Variants in RRBP1 observed in about 807,000 individuals in gnomAD.
The protein encoded by RRBP1 is ribosome-binding protein 1.
In RRBP1, 94 loss-of-function variants were observed where a neutral mutation model predicts 165.2. That is an observed-to-expected ratio of 0.57 (90% CI 0.48 to 0.68). The LOEUF is 0.68. Among genes scored for constraint, RRBP1 ranks in the 30% least tolerant of loss-of-function variants. RRBP1 has a pLI of 0.00. For missense variants in RRBP1, 1,676 were observed against 1,763.0 expected, an observed-to-expected ratio of 0.95 and a Z score of 0.88; for synonymous variants, 680 against 714.5, an observed-to-expected ratio of 0.95 and a Z score of 0.77.
intron 5 of RRBP1, 117 bp downstream of exon 5, chr20:17,641,680 C>T: frequency 1.6e-6 from 2 of 1,273,642 alleles, no homozygotes; most frequent in Non-Finnish European, 2.3e-6. Flanking sequence ...AGCCTGACAG[C>T]CAGCTACGTT....
chr20:17,631,138 A>G (rs2036143275), intron 8 of RRBP1, among the ~76,000 whole-genome samples: 1 of 152,232 alleles, frequency 6.6e-6, no homozygotes, highest in African/African-American at 2.4e-5. Context: ...GAAATGAAAG[A>G]AAGGAGTGAC....
intron 19 of RRBP1, chr20:17,618,888 T>C (rs1055739797): frequency 4.0e-5 from 23 of 570,362 alleles, no homozygotes; most frequent in South Asian, 2.5e-4. Context: ...TGGTGTTCAC[T>C]GCGTACCTCT....
chr20:17,634,173 G>C (rs1480148929), intron 7 of RRBP1, among the ~76,000 whole-genome samples: 1 of 152,256 alleles, frequency 6.6e-6, no homozygotes, highest in Non-Finnish European at 1.5e-5. Context: ...GGGGCAGCTG[G>C]AGGCCTGCCT....
intron 5 of RRBP1, among the ~76,000 whole-genome samples, chr20:17,640,479 T>G (rs2036332836): frequency 6.6e-6 from 1 of 152,116 alleles, no homozygotes; most frequent in Non-Finnish European, 1.5e-5. Flanking sequence ...GACTTAGGTC[T>G]GAAGATTAGG....
In RRBP1 at chr20:17,659,719, C is replaced by T. The variant is rs959174938; in HGVS notation, c.789G>A (p.Glu263=). 2 of 1,550,522 alleles carry T rather than the reference C, an allele frequency of 1.3e-6. No individual in the cohort carries two copies. The highest frequency in any genetic ancestry group is 3.9e-5 in the Admixed American group (2 of 50,990). Residue 263 remains glutamate, a synonymous_variant, in exon 3 of 25, where the codon GAG becomes GAA. Transcript: ENST00000377813. ...EGTPNQGKKA[E]GAQNQGKKVD... is the part of the protein sequence containing the mutation. ...CCTTTTTACCCTGGTTCTGGGCCCC[C>T]TCCGCCTTTTTGCCTTGGTTTGGGG...
intron 3 of RRBP1, among the ~76,000 whole-genome samples, chr20:17,655,377 G>A (rs1600765310): frequency 1.3e-5 from 2 of 152,232 alleles, no homozygotes; most frequent in East Asian, 3.8e-4. Context: ...GAAAGGAATT[G>A]TACTGTATTT....
In RRBP1 at chr20:17,618,436, G is replaced by A. The variant is rs528586913; in HGVS notation, c.3759+160C>T. Among the ~76,000 whole-genome samples the A allele has an allele frequency of 4.6e-5, 7 of 152,338 alleles. No individual in the cohort carries two copies. The South Asian group carries it at 8.3e-4, about 18-fold the overall frequency. On this transcript the variant is annotated intron_variant, in intron 20 of 24. Coordinates refer to ENST00000377813, the MANE Select transcript of RRBP1 (RefSeq NM_001365613.2). ...CTCAGAGTTCTGGGCAAATGTGCAG[G>A]AAGGCCCCCAGAAGCCGGCCCCATG...
chr20:17,675,673 C>T (rs1000268074), intron 2 of RRBP1, among the ~76,000 whole-genome samples: 9 of 152,302 alleles, frequency 5.9e-5, no homozygotes, highest in South Asian at 2.1e-4. Flanking sequence ...CCAAAGTAGA[C>T]GCAAAGGCCC....
At position 17,615,446 on chromosome 20, in the gene RRBP1, C is replaced by T; in HGVS notation, c.4035G>A (p.Glu1345=). 4 of 1,610,050 alleles carry T rather than the reference C, an allele frequency of 2.5e-6. No homozygotes were observed. The highest frequency in any genetic ancestry group is 3.4e-6 in the Non-Finnish European group (4 of 1,178,224). ...AGPLESSETE[E]ASQLKERLEK... is the part of the protein sequence containing the mutation. ...CCCTGCCTGCCTTCAGCTGTGAGGC[C>T]TCCTCTGTTTCTGAAGACTCTAGGG... Residue 1345 remains glutamate, a synonymous_variant, in exon 23 of 25, where the codon GAG becomes GAA. Transcript: ENST00000377813.
intron 6 of RRBP1, 81 bp from the exon 7 acceptor site, chr20:17,635,745 C>A: frequency 9.7e-7 from 1 of 1,031,590 alleles, no homozygotes; most frequent in Admixed American, 1.9e-5. Flanking sequence ...TTAGTGAAGA[C>A]ACAGCCCACA....
chr20:17,635,754 C>T lies in RRBP1; in HGVS notation c.2338-90G>A, dbSNP rs1020767113. The stretch of plus-strand genomic sequence containing the variant: ...CAGTGGTTAGTGAAGACACAGCCCA[C>T]AAAAGAAAACCCCCAAAAGCCTCCA... On this transcript the variant is annotated intron_variant, in intron 6 of 24. Transcript: ENST00000377813. The T allele has an allele frequency of 6.4e-6, 6 of 939,760 alleles. No homozygotes were observed. The South Asian group carries it at 7.1e-5, about 11-fold the overall frequency. 58.2% of individuals were successfully genotyped at this position (939,760 alleles called of 1,614,324 possible).
intron 2 of RRBP1, among the ~76,000 whole-genome samples, chr20:17,661,905 G>A (rs1421704244): frequency 6.6e-6 from 1 of 152,080 alleles, no homozygotes; most frequent in African/African-American, 2.4e-5. Context: ...TTGACATGAG[G>A]GCATTTTAAA....
chr20:17,632,770 G>A (rs2036175871), intron 8 of RRBP1, among the ~76,000 whole-genome samples: 1 of 152,212 alleles, frequency 6.6e-6, no homozygotes, highest in African/African-American at 2.4e-5. Flanking sequence ...ACACAGGCCA[G>A]CAGACGGATG....
At chr20:17,639,899 A>C (rs2122351364) in intron 5 of RRBP1, among the ~76,000 whole-genome samples, 1 of 151,732 alleles carries the variant, frequency 6.6e-6, no homozygotes, top group East Asian at 1.9e-4. Flanking sequence ...AGTCTCAAAA[A>C]AAAAAAAAAA....
intron 19 of RRBP1, 31 bp downstream of exon 19, chr20:17,619,602 A>AGGG (rs1304063945): frequency 1.3e-6 from 2 of 1,527,936 alleles, no homozygotes; most frequent in Non-Finnish European, 9.0e-7. Context: ...TCTGCTGGGC[A>AGGG]GGGGCTGCAC....
chr20:17,621,971 G>C, intron 13 of RRBP1, 24 bp from the exon 14 acceptor site: 3 of 1,589,726 alleles, frequency 1.9e-6, no homozygotes, highest in Non-Finnish European at 2.6e-6. Context: ...GGGGAAGAGC[G>C]GAAGGTGTTC....
chr20:17,624,762 T>C (rs2035984124), intron 12 of RRBP1, 94 bp from the exon 13 acceptor site: 6 of 874,990 alleles, frequency 6.9e-6, no homozygotes, highest in East Asian at 5.3e-5. Context: ...GAGACCCTCC[T>C]TGATGCCACC....
chr20:17,639,358 A>G (rs1357470380), intron 5 of RRBP1, among the ~76,000 whole-genome samples: 1 of 152,254 alleles, frequency 6.6e-6, no homozygotes, highest in Admixed American at 6.5e-5. Context: ...GTGTGTCCAG[A>G]TCATGCCTTC....
intron 4 of RRBP1, among the ~76,000 whole-genome samples, chr20:17,642,536 G>A (rs536661257): frequency 3.3e-5 from 5 of 152,276 alleles, no homozygotes; most frequent in East Asian, 1.9e-4. Context: ...AATGTGCCAC[G>A]CAGCACTTCT....
Sources: gnomAD v4.1 joint callset for allele counts (sites outside exome capture counted in the v4.1 genomes callset) on GRCh38, gnomAD v4.1.1 for gene constraint, MANE v1.5 for transcripts, NCBI Gene and HGNC (gene_info 2026-07-23, HGNC 2026-07-21) for gene names.